NLK: variants seen among roughly 807,000 people sequenced by gnomAD.
NLK encodes the protein serine/threonine-protein kinase NLK.
A neutral mutation model predicts 59.0 loss-of-function variants in NLK; 11 were observed. That is an observed-to-expected ratio of 0.19 (90% CI 0.12 to 0.31). NLK has a LOEUF of 0.31. Ranked by LOEUF, NLK falls within the 10% of genes least tolerant of loss-of-function variation. NLK has a pLI of 1.00. For synonymous variants in NLK, 235 were observed against 235.9 expected, an observed-to-expected ratio of 1.00 and a Z score of 0.03; for missense variants, 410 against 661.1, an observed-to-expected ratio of 0.62 and a Z score of 4.16.
At chr17:28,140,645 T>G (rs1906950096) in intron 3 of NLK, among the ~76,000 whole-genome samples, 1 of 152,144 alleles carries the variant, frequency 6.6e-6, no homozygotes, top group African/African-American at 2.4e-5. Context: ...TGCCATTACC[T>G]TTAAGGAGTT....
chr17:28,136,628 A>G (rs1906757417), intron 3 of NLK, among the ~76,000 whole-genome samples: 1 of 152,024 alleles, frequency 6.6e-6, no homozygotes, highest in Admixed American at 6.6e-5. Flanking sequence ...TTGAGACAGA[A>G]TTTCGCTCTT....
intron 1 of NLK, among the ~76,000 whole-genome samples, chr17:28,069,921 C>T (rs564113786): frequency 1.3e-5 from 2 of 152,154 alleles, no homozygotes; most frequent in African/African-American, 4.8e-5. Context: ...ATTATTAGTA[C>T]ATTTTTTGGT....
intron 2 of NLK, among the ~76,000 whole-genome samples, chr17:28,130,920 GA>G (rs1162295547): frequency 2.0e-5 from 3 of 152,048 alleles, no homozygotes; most frequent in South Asian, 4.2e-4. Context: ...TCTGTCATAT[GA>G]AAAAAATTAC....
intron 1 of NLK, among the ~76,000 whole-genome samples, chr17:28,066,021 C>A (rs1033260785): frequency 6.6e-6 from 1 of 152,224 alleles, no homozygotes; most frequent in Non-Finnish European, 1.5e-5. Flanking sequence ...CTTCCTGTTA[C>A]ACCCACAGAC....
At chr17:28,169,721 C>CTTTTTTTTTTTTTTTTTTTT (rs1193124964) in intron 6 of NLK, among the ~76,000 whole-genome samples, 2 of 111,616 alleles carry the variant, frequency 1.8e-5, no homozygotes, top group African/African-American at 6.8e-5. Context: ...GCTTCTTCTT[C>CTTTTTTTTTTTTTTTTTTTT]TTTTTTTTTT....
chr17:28,161,346 T>A lies in NLK; in HGVS notation c.751+80T>A. The A allele has an allele frequency of 8.1e-6, 6 of 739,322 alleles. No homozygotes were observed. The South Asian group carries it at 8.7e-5, about 11-fold the overall frequency. 45.8% of individuals were successfully genotyped at this position (739,322 alleles called of 1,614,324 possible). On this transcript the variant is annotated intron_variant, in intron 4 of 10. Transcript: ENST00000407008. Reference sequence around the variant, plus strand: ...GCTTCTCATTTAGACTTTAATCCGATCTTCCAAGGTTTTCTTCTTCTCTAA... The same window carrying A: ...GCTTCTCATTTAGACTTTAATCCGAACTTCCAAGGTTTTCTTCTTCTCTAA...
intron 1 of NLK, among the ~76,000 whole-genome samples, chr17:28,044,364 G>A (rs1341148568): frequency 1.3e-5 from 2 of 152,058 alleles, no homozygotes; most frequent in Non-Finnish European, 2.9e-5. Flanking sequence ...GAACTAGCCC[G>A]GTAAATATCT....
intron 10 of NLK, among the ~76,000 whole-genome samples, chr17:28,192,452 T>C (rs1278226422): frequency 6.6e-6 from 1 of 152,166 alleles, no homozygotes. Flanking sequence ...ACAGATCACC[T>C]GAGGTCTGGA....
At chr17:28,113,194 A>G (rs1017401047) in intron 1 of NLK, among the ~76,000 whole-genome samples, 4 of 152,202 alleles carry the variant, frequency 2.6e-5, no homozygotes, top group Admixed American at 1.3e-4. Flanking sequence ...GTATAACTCA[A>G]TGGTGTATCA....
intron 6 of NLK, among the ~76,000 whole-genome samples, chr17:28,171,801 G>T (rs1908472412): frequency 6.6e-6 from 1 of 152,126 alleles, no homozygotes; most frequent in African/African-American, 2.4e-5. Context: ...ACTTTGCAAA[G>T]ATCTTAGATG....
Position 28,061,785 on chromosome 17 carries a change from T to C in NLK, c.458+18454T>C, listed in dbSNP as rs182018917. 3.6e-3 allele frequency among the ~76,000 whole-genome samples: 527 copies of C among 146,280 alleles called. 3 individuals are homozygous for C. Among genetic ancestry groups the C allele is most frequent in the African/African-American group, 0.012 (485 of 40,104 alleles). ...ACATATACATATATACATATACATA[T>C]ATAATATATACATATATACATATAC... On this transcript the variant is annotated intron_variant, in intron 1 of 10. Coordinates refer to ENST00000407008, the MANE Select transcript of NLK (RefSeq NM_016231.5).
At chr17:28,153,765 G>A (rs1907584912) in intron 3 of NLK, among the ~76,000 whole-genome samples, 1 of 152,058 alleles carries the variant, frequency 6.6e-6, no homozygotes, top group Non-Finnish European at 1.5e-5. Context: ...CAAGAATATT[G>A]GGACTTCTGA....
chr17:28,150,113 G>A (rs1188727572), intron 3 of NLK, among the ~76,000 whole-genome samples: 4 of 152,110 alleles, frequency 2.6e-5, no homozygotes, highest in Non-Finnish European at 5.9e-5. Flanking sequence ...GTGGAGCAGC[G>A]TAACCTCTCC....
intron 1 of NLK, among the ~76,000 whole-genome samples, chr17:28,060,399 A>G (rs1314249712): frequency 6.6e-6 from 1 of 152,186 alleles, no homozygotes; most frequent in Non-Finnish European, 1.5e-5. Flanking sequence ...ATATGTGAAA[A>G]ATAAAAGTTA....
intron 7 of NLK, among the ~76,000 whole-genome samples, chr17:28,174,083 A>C (rs992492881): frequency 6.6e-6 from 1 of 152,168 alleles, no homozygotes; most frequent in Admixed American, 6.5e-5. Context: ...ACGGCTGGAA[A>C]ATGTAACCTA....
At chr17:28,080,934 G>T (rs1363405414) in intron 1 of NLK, among the ~76,000 whole-genome samples, 1 of 152,052 alleles carries the variant, frequency 6.6e-6, no homozygotes, top group Non-Finnish European at 1.5e-5. Flanking sequence ...CTGTCACCCA[G>T]GCTGGAGTGC....
At chr17:28,092,803 T>TTTTA (rs1273789518) in intron 1 of NLK, among the ~76,000 whole-genome samples, 3 of 141,414 alleles carry the variant, frequency 2.1e-5, no homozygotes, top group Admixed American at 7.1e-5. Context: ...TTTTATTTTA[T>TTTTA]TTTATTTATT....
chr17:28,050,546 G>A (rs1909215230), intron 1 of NLK, among the ~76,000 whole-genome samples: 1 of 152,108 alleles, frequency 6.6e-6, no homozygotes, highest in African/African-American at 2.4e-5. Flanking sequence ...GATGAGAAAA[G>A]GTTAAAACTG....
intron 3 of NLK, among the ~76,000 whole-genome samples, chr17:28,139,240 C>T (rs949714867): frequency 2.6e-5 from 4 of 152,120 alleles, no homozygotes; most frequent in African/African-American, 9.7e-5. Context: ...CAGAGAGAGA[C>T]TCCATCTCCC....
Sources: allele counts gnomAD v4.1 joint callset (sites outside exome capture counted in the v4.1 genomes callset), GRCh38; gene constraint gnomAD v4.1.1; transcripts MANE v1.5; gene names NCBI Gene and HGNC (gene_info 2026-07-23, HGNC 2026-07-21).